AFF3: variants seen among roughly 807,000 people sequenced by gnomAD.
The protein encoded by AFF3 is ALF transcription elongation factor 3.
A neutral mutation model predicts 129.7 loss-of-function variants in AFF3; 32 were observed. The observed-to-expected ratio is 0.25, with a 90% CI of 0.19 to 0.33. The LOEUF is 0.33. AFF3 is among the 10% of genes least tolerant of loss of function. The pLI is 1.00. For missense variants in AFF3, 1,373 were observed against 1,592.0 expected (o/e 0.86, Z 2.34); for synonymous variants, 644 against 635.4 (o/e 1.01, Z -0.20).
At chr2:100,132,934 G>GTT (rs551841808) in intron 1 of AFF3, among the ~76,000 whole-genome samples, 1 of 141,034 alleles carries the variant, frequency 7.1e-6, no homozygotes, top group Non-Finnish European at 1.6e-5. Context: ...TTCTGTTTTT[G>GTT]TTTTTTTTTT....
At chr2:99,758,413 C>G (rs927496679) in intron 8 of AFF3, among the ~76,000 whole-genome samples, 3 of 151,948 alleles carry the variant, frequency 2.0e-5, no homozygotes, top group East Asian at 1.9e-4. Context: ...ATAGTGAAAC[C>G]CTGTTTCTAC....
At chr2:100,084,500 A>G (rs1689273674) in intron 4 of AFF3, among the ~76,000 whole-genome samples, 1 of 152,242 alleles carries the variant, frequency 6.6e-6, no homozygotes, top group South Asian at 2.1e-4. Flanking sequence ...CAACCAACCC[A>G]CACAACAAGG....
chr2:99,656,118 C>T (rs1685726471), intron 12 of AFF3, among the ~76,000 whole-genome samples: 1 of 152,166 alleles, frequency 6.6e-6, no homozygotes, highest in Non-Finnish European at 1.5e-5. Context: ...CAAGATGTTT[C>T]AGTGGAGACT....
chr2:99,828,028 C>T (rs1688223981), intron 8 of AFF3, among the ~76,000 whole-genome samples: 1 of 152,050 alleles, frequency 6.6e-6, no homozygotes, highest in Admixed American at 6.5e-5. Context: ...ATGGTCTAAG[C>T]CAGGCATTCC....
chr2:99,695,274 G>C (rs1404713151), intron 11 of AFF3, among the ~76,000 whole-genome samples: 1 of 152,202 alleles, frequency 6.6e-6, no homozygotes, highest in Non-Finnish European at 1.5e-5. Context: ...CAGTGGCCCT[G>C]GCTGGGCCAG....
chr2:100,123,327 A>G (rs1030380428), intron 2 of AFF3, among the ~76,000 whole-genome samples: 2 of 152,208 alleles, frequency 1.3e-5, no homozygotes, highest in Admixed American at 1.3e-4. Context: ...GTTTAAGAGG[A>G]ACAAACAATG....
chr2:100,007,773 G>C, intron 5 of AFF3: 1 of 346,446 alleles, frequency 2.9e-6, no homozygotes. Flanking sequence ...TCAGGTGTTT[G>C]AGATCAGCCT....
chr2:99,579,405 CAAAA>C (rs778716552), intron 17 of AFF3, among the ~76,000 whole-genome samples: 2 of 106,896 alleles, frequency 1.9e-5, no homozygotes, highest in Non-Finnish European at 4.1e-5. Context: ...AACTCCGTCT[CAAAA>C]AAAAAAAAAA....
intron 13 of AFF3, among the ~76,000 whole-genome samples, chr2:99,605,354 C>T (rs62154476): frequency 0.037 from 5,595 of 152,162 alleles, 127 homozygotes; most frequent in East Asian, 0.046. Context: ...TCAATGGTCC[C>T]GGTAGAGCAT....
chr2:99,619,078 G>A (rs2105286967), intron 13 of AFF3, among the ~76,000 whole-genome samples: 1 of 152,310 alleles, frequency 6.6e-6, no homozygotes, highest in East Asian at 1.9e-4. Context: ...AAGGTCAAAG[G>A]AAGCTCCCAA....
Position 99,777,207 on chromosome 2 carries a change from C to T in AFF3, c.922-24906G>A, listed in dbSNP as rs139877183. Reference sequence around the variant, plus strand: ...AACTTCCTACATGTAAGTCTCCACGCTGAGTTCCTACCCAGGTCCTCTCAT... The same window carrying T: ...AACTTCCTACATGTAAGTCTCCACGTTGAGTTCCTACCCAGGTCCTCTCAT... On this transcript the variant is annotated intron_variant, in intron 8 of 24. Coordinates refer to ENST00000672756, the MANE Select transcript of AFF3 (RefSeq NM_001386135.1). 2.2e-3 allele frequency among the ~76,000 whole-genome samples: 335 copies of T among 152,290 alleles called. 2 individuals are homozygous for T. Among genetic ancestry groups the T allele is most frequent in the African/African-American group, 7.8e-3 (323 of 41,570 alleles).
chr2:99,707,564 G>GA (rs11413976), intron 11 of AFF3: 490,004 of 975,628 alleles, frequency 0.5, 121,626 homozygotes, highest in East Asian at 0.66. Flanking sequence ...GTATCTCGCT[G>GA]AAAAAAAAAT....
At chr2:99,989,857 G>T (rs1680180025) in intron 7 of AFF3, among the ~76,000 whole-genome samples, 1 of 152,178 alleles carries the variant, frequency 6.6e-6, no homozygotes, top group East Asian at 1.9e-4. Flanking sequence ...TTGAAAGTAA[G>T]ATCATTATCA....
intron 18 of AFF3, among the ~76,000 whole-genome samples, chr2:99,570,800 T>C (rs1676402762): frequency 6.6e-6 from 1 of 152,218 alleles, no homozygotes; most frequent in Non-Finnish European, 1.5e-5. Flanking sequence ...GGCATCCTGG[T>C]CCGAGGAGCT....
intron 7 of AFF3, among the ~76,000 whole-genome samples, chr2:99,896,920 C>A (rs1438356194): frequency 6.6e-6 from 1 of 152,072 alleles, no homozygotes; most frequent in East Asian, 1.9e-4. Context: ...CAGGCATGAG[C>A]CACCGCGCCC....
At chr2:100,121,504 A>G (rs1691963312) in intron 2 of AFF3, among the ~76,000 whole-genome samples, 1 of 152,242 alleles carries the variant, frequency 6.6e-6, no homozygotes, top group African/African-American at 2.4e-5. Flanking sequence ...ACTGCCAGGC[A>G]GTAATACCTG....
At chr2:100,060,765 T>C (rs1687206525) in intron 4 of AFF3, among the ~76,000 whole-genome samples, 1 of 152,150 alleles carries the variant, frequency 6.6e-6, no homozygotes, top group East Asian at 1.9e-4. Context: ...TCTGTCACAA[T>C]GAGGGAGGCA....
At chr2:100,029,413 A>C (rs1329671738) in intron 4 of AFF3, among the ~76,000 whole-genome samples, 4 of 152,180 alleles carry the variant, frequency 2.6e-5, no homozygotes, top group Admixed American at 2.0e-4. Context: ...TTGATCATGG[A>C]ATTCCAGCCT....
intron 9 of AFF3, among the ~76,000 whole-genome samples, chr2:99,746,359 T>C (rs1320405849): frequency 6.6e-6 from 1 of 152,180 alleles, no homozygotes; most frequent in African/African-American, 2.4e-5. Context: ...ATGTGACTTG[T>C]GTTATATTCA....
Sources: allele counts gnomAD v4.1 joint callset (sites outside exome capture counted in the v4.1 genomes callset), GRCh38; gene constraint gnomAD v4.1.1; transcripts MANE v1.5; gene names NCBI Gene and HGNC (gene_info 2026-07-23, HGNC 2026-07-21).